SLIT3: variants seen among roughly 807,000 people sequenced by gnomAD.
The protein encoded by SLIT3 is slit homolog 3 protein.
SLIT3 carries 68 observed loss-of-function variants against 184.0 expected under a neutral mutation model. That is an observed-to-expected ratio of 0.37 (90% CI 0.30 to 0.45). The LOEUF (loss-of-function observed/expected upper bound fraction) is 0.45. SLIT3 is among the 20% of genes least tolerant of loss of function. The pLI, the probability that SLIT3 is intolerant of heterozygous loss-of-function variation, is 1.00. For missense variants in SLIT3, 1,707 were observed against 2,026.0 expected, an observed-to-expected ratio of 0.84 and a Z score of 3.02; for synonymous variants, 831 against 828.6, an observed-to-expected ratio of 1.00 and a Z score of -0.05.
chr5:168,787,960 G>C (rs1000421778), intron 11 of SLIT3, among the ~76,000 whole-genome samples: 2 of 150,978 alleles, frequency 1.3e-5, no homozygotes, highest in Admixed American at 6.5e-5. Context: ...GGCATCTACT[G>C]CATGAATGAA....
chr5:168,970,890 G>A (rs566971808), intron 4 of SLIT3, among the ~76,000 whole-genome samples: 4 of 152,286 alleles, frequency 2.6e-5, no homozygotes, highest in African/African-American at 9.6e-5. Flanking sequence ...TATTTATGGA[G>A]GACTTATTTT....
chr5:169,112,080 G>C (rs1760431149), intron 4 of SLIT3, among the ~76,000 whole-genome samples: 1 of 152,240 alleles, frequency 6.6e-6, no homozygotes, highest in Non-Finnish European at 1.5e-5. Flanking sequence ...TAGTATTCTG[G>C]TGACTGCTGA....
intron 5 of SLIT3, among the ~76,000 whole-genome samples, chr5:168,880,465 C>T (rs147637956): frequency 9.8e-5 from 15 of 152,332 alleles, no homozygotes; most frequent in Admixed American, 2.6e-4. Flanking sequence ...ACACTTTGCA[C>T]GTACTATCTT....
At chr5:169,179,276 C>CTTTTTT (rs370270230) in intron 4 of SLIT3, among the ~76,000 whole-genome samples, 5 of 125,036 alleles carry the variant, frequency 4.0e-5, no homozygotes, top group Admixed American at 8.6e-5. Flanking sequence ...ATTCCTTTTT[C>CTTTTTT]TTTTTTTTTT....
At chr5:168,851,913 C>A (rs1406278095) in intron 5 of SLIT3, among the ~76,000 whole-genome samples, 2 of 152,210 alleles carry the variant, frequency 1.3e-5, no homozygotes, top group African/African-American at 4.8e-5. Context: ...ACTGCAGCTT[C>A]TGTAAAATGG....
chr5:168,998,895 G>C (rs1373030100), intron 4 of SLIT3, among the ~76,000 whole-genome samples: 4 of 134,058 alleles, frequency 3.0e-5, no homozygotes, highest in East Asian at 2.1e-4. Context: ...CCAGAAATCT[G>C]TGTGTGTGTG....
chr5:168,924,493 GGTGT>G (rs533742883), intron 4 of SLIT3, among the ~76,000 whole-genome samples: 3 of 140,550 alleles, frequency 2.1e-5, no homozygotes, highest in Non-Finnish European at 4.5e-5. Context: ...GGTGTGTAAG[GGTGT>G]GTGTGTGTGT....
chr5:169,251,846 AAAT>A (rs1765784764), intron 1 of SLIT3, among the ~76,000 whole-genome samples: 1 of 152,146 alleles, frequency 6.6e-6, no homozygotes, highest in African/African-American at 2.4e-5. Context: ...TGACCACAGC[AAAT>A]GTTTCAGAAA....
intron 1 of SLIT3, among the ~76,000 whole-genome samples, chr5:169,283,145 C>T (rs188432133): frequency 6.6e-5 from 10 of 152,332 alleles, no homozygotes; most frequent in African/African-American, 2.2e-4. Flanking sequence ...TGCCTTTCTC[C>T]AAAGGCCACG....
At chr5:169,073,459 T>C (rs1758625520) in intron 4 of SLIT3, among the ~76,000 whole-genome samples, 1 of 151,852 alleles carries the variant, frequency 6.6e-6, no homozygotes, top group Admixed American at 6.6e-5. Flanking sequence ...GAATTCTCCA[T>C]TCTCTGGGTC....
intron 15 of SLIT3, among the ~76,000 whole-genome samples, chr5:168,762,208 C>T: frequency 6.6e-6 from 1 of 152,168 alleles, no homozygotes; most frequent in East Asian, 1.9e-4. Flanking sequence ...TAGCACCCAA[C>T]TTTCTGGTTT....
chr5:169,139,470 G>T (rs1761643610), intron 4 of SLIT3, among the ~76,000 whole-genome samples: 5 of 152,094 alleles, frequency 3.3e-5, no homozygotes, highest in Admixed American at 3.3e-4. Flanking sequence ...AATATCAAGA[G>T]GTCAGGGAGC....
At chr5:168,824,204 G>T (rs1757628511) in intron 6 of SLIT3, among the ~76,000 whole-genome samples, 1 of 152,174 alleles carries the variant, frequency 6.6e-6, no homozygotes, top group African/African-American at 2.4e-5. Context: ...CTCCCAAAGT[G>T]CTGGGATTAC....
chr5:168,816,673 G>A (rs1757342833), intron 8 of SLIT3, among the ~76,000 whole-genome samples: 1 of 152,184 alleles, frequency 6.6e-6, no homozygotes. Context: ...TGTTTGCTCA[G>A]CACATTTTGT....
At position 168,688,421 on chromosome 5, in the gene SLIT3, C is replaced by T. The variant is rs137942109; in HGVS notation, c.3177-1305G>A. Among the ~76,000 whole-genome samples the T allele has an allele frequency of 4.3e-3, 662 of 152,238 alleles. 5 individuals carry two copies. The highest frequency in any genetic ancestry group is 0.015 in the African/African-American group (630 of 41,540). On this transcript the variant is annotated intron_variant, in intron 29 of 35. Coordinates refer to ENST00000519560, the MANE Select transcript of SLIT3 (RefSeq NM_003062.4). Reference sequence around the variant, plus strand: ...GGCAAAGGGATGGTTCTCCCTCATCCCTCTCCTCCCTCTCCTCTTTAGGAA... The same window carrying T: ...GGCAAAGGGATGGTTCTCCCTCATCTCTCTCCTCCCTCTCCTCTTTAGGAA...
chr5:168,863,206 C>T (rs1759175470), intron 5 of SLIT3, among the ~76,000 whole-genome samples: 1 of 152,010 alleles, frequency 6.6e-6, no homozygotes, highest in Admixed American at 6.5e-5. Flanking sequence ...TTTCAGTGAC[C>T]ATATGGAGCC....
chr5:168,790,684 G>T (rs1355140321), intron 10 of SLIT3: 1 of 152,220 alleles, frequency 6.6e-6, no homozygotes, highest in Non-Finnish European at 1.5e-5. Flanking sequence ...AGAAGTGGGA[G>T]AGCTGGGATC....
intron 4 of SLIT3, among the ~76,000 whole-genome samples, chr5:169,082,774 C>A (rs2113167091): frequency 6.6e-6 from 1 of 152,260 alleles, no homozygotes; most frequent in East Asian, 1.9e-4. Context: ...TTTGTAAGAG[C>A]CATTGTTTAT....
intron 27 of SLIT3, among the ~76,000 whole-genome samples, chr5:168,698,933 C>T (rs942837302): frequency 6.6e-6 from 1 of 152,200 alleles, no homozygotes; most frequent in African/African-American, 2.4e-5. Flanking sequence ...TCTGCTCAAC[C>T]GAACCTCCAG....
Sources: gnomAD v4.1 joint callset for allele counts (sites outside exome capture counted in the v4.1 genomes callset) on GRCh38, gnomAD v4.1.1 for gene constraint, MANE v1.5 for transcripts, NCBI Gene and HGNC (gene_info 2026-07-23, HGNC 2026-07-21) for gene names.